The following SGCZ variants were observed in gnomAD, a reference collection of about 807,000 sequenced individuals.
SGCZ encodes sarcoglycan zeta, also known as zeta-sarcoglycan.
SGCZ carries 40 observed loss-of-function variants against 41.3 expected under a neutral mutation model. The ratio of observed to expected loss-of-function variants is 0.97; its 90% CI spans 0.75 to 1.26. The LOEUF is 1.26. SGCZ is among the 50% of genes most tolerant of loss of function. The probability of loss-of-function intolerance (pLI) is 0.00; values close to 1 mark genes in which losing one functional copy is unlikely to be tolerated. For missense variants in SGCZ, 552 were observed against 369.8 expected (o/e 1.49, Z -4.04); for synonymous variants, 206 against 137.5 (o/e 1.50, Z -3.49).
chr8:14,599,989 A>C (rs1343370141), intron 1 of SGCZ, among the ~76,000 whole-genome samples: 4 of 152,220 alleles, frequency 2.6e-5, no homozygotes. Flanking sequence ...TGTAGCCTTC[A>C]CATTTTCTTT....
intron 1 of SGCZ, among the ~76,000 whole-genome samples, chr8:14,576,450 T>C (rs921449278): frequency 6.6e-6 from 1 of 152,146 alleles, no homozygotes; most frequent in Non-Finnish European, 1.5e-5. Flanking sequence ...TAATATGTAG[T>C]AGTGGTAAGA....
At chr8:14,412,843 C>G (rs1348666089) in intron 2 of SGCZ, among the ~76,000 whole-genome samples, 2 of 151,984 alleles carry the variant, frequency 1.3e-5, no homozygotes, top group African/African-American at 4.8e-5. Flanking sequence ...GAGTATTTGA[C>G]ATTCTGAAAC....
chr8:15,075,972 T>C lies in SGCZ; in HGVS notation c.39+161613A>G, dbSNP rs143509787. The stretch of plus-strand genomic sequence containing the variant: ...TTTTATGGAATTACCAAGTATTGAC[T>C]TTTTCATGGAACTAATATCATACAG... On this transcript the variant is annotated intron_variant, in intron 1 of 7. Transcript: ENST00000382080. Among the ~76,000 whole-genome samples, 423 of 152,192 alleles carry C rather than the reference T, an allele frequency of 2.8e-3. 4 individuals are homozygous for C. The highest frequency in any genetic ancestry group is 9.8e-3 in the African/African-American group (408 of 41,528).
chr8:14,505,962 A>T (rs186787407), intron 2 of SGCZ, among the ~76,000 whole-genome samples: 1 of 152,068 alleles, frequency 6.6e-6, no homozygotes, highest in African/African-American at 2.4e-5. Context: ...TCATGTGCCT[A>T]TGTGATGCTA....
intron 1 of SGCZ, among the ~76,000 whole-genome samples, chr8:15,196,111 A>T (rs1800722721): frequency 7.5e-6 from 1 of 134,216 alleles, no homozygotes; most frequent in South Asian, 2.3e-4. Context: ...GTTAGCCAGG[A>T]TGGTCTCGAT....
intron 3 of SGCZ, among the ~76,000 whole-genome samples, chr8:14,271,766 C>T (rs1425418342): frequency 1.3e-5 from 2 of 152,130 alleles, no homozygotes; most frequent in South Asian, 2.1e-4. Context: ...CTCAGCTGTC[C>T]AAGTGAAGAT....
At chr8:14,467,798 T>C (rs982593044) in intron 2 of SGCZ, among the ~76,000 whole-genome samples, 2 of 152,082 alleles carry the variant, frequency 1.3e-5, no homozygotes, top group African/African-American at 2.4e-5. Context: ...CATACTGTAA[T>C]AGTATTTAAA....
intron 1 of SGCZ, among the ~76,000 whole-genome samples, chr8:14,897,412 C>G (rs1261751280): frequency 2.0e-5 from 3 of 152,120 alleles, no homozygotes; most frequent in Non-Finnish European, 4.4e-5. Flanking sequence ...ACGTTTAGCC[C>G]TTCCTCTTAA....
At chr8:14,815,752 G>A (rs535874939) in intron 1 of SGCZ, among the ~76,000 whole-genome samples, 12 of 152,178 alleles carry the variant, frequency 7.9e-5, no homozygotes, top group Non-Finnish European at 1.6e-4. Flanking sequence ...TATTACAAAT[G>A]AGGGCAATCT....
chr8:14,202,980 T>A (rs1221349571), intron 4 of SGCZ, among the ~76,000 whole-genome samples: 1 of 152,078 alleles, frequency 6.6e-6, no homozygotes. Context: ...TGATAGTAAA[T>A]GAATCTCAGA....
At chr8:14,439,916 G>T (rs773430135) in intron 2 of SGCZ, among the ~76,000 whole-genome samples, 8 of 151,654 alleles carry the variant, frequency 5.3e-5, no homozygotes, top group Non-Finnish European at 7.4e-5. Flanking sequence ...CATTATATTG[G>T]TAACTGACTT....
At chr8:14,753,969 A>C (rs1436620695) in intron 1 of SGCZ, among the ~76,000 whole-genome samples, 3 of 152,190 alleles carry the variant, frequency 2.0e-5, no homozygotes, top group Non-Finnish European at 4.4e-5. Flanking sequence ...TTAAATATGA[A>C]ATAAATAAAG....
At chr8:14,802,925 C>T (rs886559759) in intron 1 of SGCZ, among the ~76,000 whole-genome samples, 4 of 152,182 alleles carry the variant, frequency 2.6e-5, no homozygotes, top group African/African-American at 7.2e-5. Context: ...GCTAAAGCAG[C>T]AGGACCTTAT....
intron 3 of SGCZ, among the ~76,000 whole-genome samples, chr8:14,320,179 A>T (rs1801869080): frequency 6.6e-6 from 1 of 151,758 alleles, no homozygotes; most frequent in Non-Finnish European, 1.5e-5. Flanking sequence ...GTGATTACTG[A>T]TTAATGTAAA....
intron 1 of SGCZ, among the ~76,000 whole-genome samples, chr8:14,618,024 A>T (rs973356355): frequency 3.3e-5 from 5 of 152,094 alleles, no homozygotes; most frequent in Admixed American, 3.3e-4. Flanking sequence ...TTTTTCTGAG[A>T]AAAATGGAAA....
chr8:14,750,595 A>G (rs1799468959), intron 1 of SGCZ, among the ~76,000 whole-genome samples: 1 of 152,190 alleles, frequency 6.6e-6, no homozygotes, highest in Admixed American at 6.5e-5. Flanking sequence ...CAAGAATGAT[A>G]TGGTGTTTTT....
At chr8:14,827,104 T>G (rs1802354997) in intron 1 of SGCZ, among the ~76,000 whole-genome samples, 1 of 152,018 alleles carries the variant, frequency 6.6e-6, no homozygotes, top group East Asian at 1.9e-4. Flanking sequence ...AGACATATCT[T>G]TCTTAAGAAT....
intron 1 of SGCZ, among the ~76,000 whole-genome samples, chr8:14,607,698 G>A (rs4289812): frequency 6.6e-6 from 1 of 151,470 alleles, no homozygotes; most frequent in African/African-American, 2.4e-5. Context: ...CAACTCGTGG[G>A]ATCTACACAA....
chr8:14,555,548 C>T (rs1449258049), intron 1 of SGCZ, among the ~76,000 whole-genome samples: 2 of 152,006 alleles, frequency 1.3e-5, no homozygotes, highest in African/African-American at 4.8e-5. Context: ...TCTATGCTTC[C>T]TGTACAGCCT....
Sources: gnomAD v4.1 joint callset for allele counts (sites outside exome capture counted in the v4.1 genomes callset) on GRCh38, gnomAD v4.1.1 for gene constraint, MANE v1.5 for transcripts, NCBI Gene and HGNC (gene_info 2026-07-23, HGNC 2026-07-21) for gene names.